Variants in AGAP5 observed in about 807,000 individuals in gnomAD.
The protein encoded by AGAP5 is ArfGAP with GTPase domain, ankyrin repeat and PH domain 5, also known as arf-GAP with GTPase, ANK repeat and PH domain-containing protein 5.
In AGAP5, 8 loss-of-function variants were observed where a neutral mutation model predicts 27.7. The observed-to-expected ratio is 0.29, with a 90% CI of 0.17 to 0.52. The LOEUF is 0.52. Ranked by LOEUF, AGAP5 falls within the 20% of genes least tolerant of loss-of-function variation. AGAP5 has a pLI of 0.97. For missense variants in AGAP5, 285 were observed against 880.8 expected (o/e 0.32, Z 8.56); for synonymous variants, 111 against 338.0 (o/e 0.33, Z 7.37).
chr10:73,694,390 G>A (rs1205557696), intron 3 of AGAP5, among the ~76,000 whole-genome samples: 3 of 152,010 alleles, frequency 2.0e-5, no homozygotes, highest in Admixed American at 2.0e-4. Context: ...TCTTTAAAGT[G>A]TACTTTTTGG....
chr10:73,689,507 G>A (rs369068001), intron 4 of AGAP5, among the ~76,000 whole-genome samples: 1 of 149,734 alleles, frequency 6.7e-6, no homozygotes, highest in African/African-American at 2.5e-5. Flanking sequence ...AGTGAGGAGC[G>A]TCTCTGCCCG....
intron 5 of AGAP5, chr10:73,681,185 C>T (rs1265246631): frequency 4.8e-6 from 1 of 209,992 alleles, no homozygotes; most frequent in African/African-American, 2.5e-5. Flanking sequence ...TGGCTTTGGG[C>T]ATCAAGGTTC....
At chr10:73,689,956 C>A (rs550933458) in intron 4 of AGAP5, among the ~76,000 whole-genome samples, 2 of 149,948 alleles carry the variant, frequency 1.3e-5, no homozygotes, top group African/African-American at 4.9e-5. Flanking sequence ...CCCCTCTGCC[C>A]GGCCAGCCGC....
chr10:73,694,922 A>G (rs1270723703), intron 2 of AGAP5, 118 bp from the exon 3 acceptor site: 1 of 1,564,008 alleles, frequency 6.4e-7, no homozygotes, highest in South Asian at 1.1e-5. Flanking sequence ...ATTCTTATAC[A>G]TTGAAATGAA....
intron 5 of AGAP5, among the ~76,000 whole-genome samples, chr10:73,680,582 T>TC (rs1186330822): frequency 2.5e-5 from 2 of 79,364 alleles, no homozygotes; most frequent in Non-Finnish European, 6.3e-5. Context: ...TATGCCCAGA[T>TC]AATTTTTTTT....
intron 5 of AGAP5, chr10:73,682,038 A>G (rs2082028514): frequency 1.0e-6 from 1 of 983,880 alleles, no homozygotes. Context: ...TAAGCTAGTT[A>G]TGTTTACAGA....
chr10:73,697,232 A>G, intron 1 of AGAP5, 69 bp from the exon 2 acceptor site: 1 of 1,584,154 alleles, frequency 6.3e-7, no homozygotes, highest in Non-Finnish European at 8.5e-7. Flanking sequence ...TCATTTATTC[A>G]ACTGCTGCTT....
chr10:73,696,163 C>G (rs1259533719), intron 2 of AGAP5, among the ~76,000 whole-genome samples: 1 of 152,152 alleles, frequency 6.6e-6, no homozygotes, highest in Non-Finnish European at 1.5e-5. Context: ...CAGTCATGCG[C>G]CACTACACCC....
chr10:73,693,216 G>A (rs1028026914), intron 3 of AGAP5, among the ~76,000 whole-genome samples: 2 of 152,128 alleles, frequency 1.3e-5, no homozygotes, highest in African/African-American at 4.8e-5. Context: ...GCTCCGGAAG[G>A]AACTGGGAAA....
At chr10:73,691,744 G>A (rs960826600) in intron 4 of AGAP5, among the ~76,000 whole-genome samples, 2 of 152,038 alleles carry the variant, frequency 1.3e-5, no homozygotes, top group East Asian at 1.9e-4. Context: ...AGCCTGCCTC[G>A]GCCTCCTAAA....
chr10:73,697,955 A>G lies in AGAP5; in HGVS notation c.-200T>C, dbSNP rs1051994526. The G allele has an allele frequency of 9.3e-6, 14 of 1,507,950 alleles. No homozygotes were observed. The African/African-American group carries it at 1.8e-4, about 19-fold the overall frequency. The allele number at this position is 1,507,950 out of a possible 1,614,324, so 93.4% of individuals were successfully genotyped here. A position where few individuals can be genotyped will look rare whatever the true frequency, so the allele number is the denominator to read the frequency against. ...GCTAGGGCTGCGGGTCAAGGCCCACACCCTGCTGCCTCCCCTGAGTTGACT... is the reference window on the plus strand; with the variant it reads ...GCTAGGGCTGCGGGTCAAGGCCCACGCCCTGCTGCCTCCCCTGAGTTGACT... On this transcript the variant is annotated 5_prime_UTR_variant, in exon 1 of 8. Transcript: ENST00000374094.
Position 73,694,796 on chromosome 10 carries a change from A to G in AGAP5, c.301T>C (p.Phe101Leu), listed in dbSNP as rs1337891061. The G allele has an allele frequency of 1.3e-6, 2 of 1,598,230 alleles. No individual in the cohort carries two copies. Among genetic ancestry groups the G allele is most frequent in the South Asian group, 2.2e-5 (2 of 91,004 alleles). ...GCCTCTGGATTGGCAGAAGGGTTAA[A>G]CTCCAAAGCTATATGCATAGAGGAA... Reference protein sequence around the residue: ...QRNSQTDALEFNPSANPEAST... With the variant: ...QRNSQTDALELNPSANPEAST... The change falls in exon 3 of 8, where the codon TTT becomes CTT. Residue 101 changes from phenylalanine to leucine, a missense_variant. By Grantham distance (22) the Phe-to-Leu change is conservative (BLOSUM62 0). Transcript: ENST00000374094.
intron 2 of AGAP5, 147 bp downstream of exon 2, chr10:73,696,948 T>C (rs1261245826): frequency 1.6e-6 from 2 of 1,287,070 alleles, no homozygotes; most frequent in East Asian, 5.0e-5. Flanking sequence ...TTAGGTACCA[T>C]CTGGATAGGT....
chr10:73,689,790 G>C (rs1181846743), intron 4 of AGAP5, among the ~76,000 whole-genome samples: 1 of 150,650 alleles, frequency 6.6e-6, no homozygotes, highest in African/African-American at 2.4e-5. Context: ...CCCTCCGCCC[G>C]GCAGCCACCC....
intron 1 of AGAP5, 64 bp downstream of exon 1, chr10:73,697,469 G>A: frequency 6.2e-7 from 1 of 1,603,668 alleles, no homozygotes; most frequent in Non-Finnish European, 8.5e-7. Context: ...GCCGTAAAGG[G>A]AACCTTGGGG....
Position 73,697,790 on chromosome 10 carries a change from CT to C in AGAP5, c.-36del, listed in dbSNP as rs1429792458. 6.3e-7 allele frequency: 1 copy of C among 1,596,180 alleles called. No homozygotes were observed. Among genetic ancestry groups the C allele is most frequent in the Non-Finnish European group, 8.5e-7 (1 of 1,179,106 alleles). ...CTACTGTCTGCCACCACCTGTGCCT[CT>C]GCTCACAGCTTTGGCCACACACTCC... is the stretch of plus-strand genomic sequence containing the variant. On this transcript the variant is annotated 5_prime_UTR_variant, in exon 1 of 8. Coordinates refer to ENST00000374094, the MANE Select transcript of AGAP5 (RefSeq NM_001144000.4).
At position 73,697,682 on chromosome 10, in the gene AGAP5, C is replaced by T; in HGVS notation, c.74G>A (p.Cys25Tyr). The T allele has an allele frequency of 6.3e-7, 1 of 1,599,368 alleles. No individual in the cohort carries two copies. The highest frequency in any genetic ancestry group is 8.5e-7 in the Non-Finnish European group (1 of 1,179,822). Residue 25 changes from cysteine to tyrosine, a missense_variant, in exon 1 of 8, where the codon TGT becomes TAT. Coordinates refer to ENST00000374094, the MANE Select transcript of AGAP5 (RefSeq NM_001144000.4). ...CTCATAGATCTCAGATTCAGAGGGA[C>T]ACACCGACCCCTGTTGCTGGTCAAA... ...LEFDQQQGSV[C>Y]PSESEIYEAG...
rs760553674 is a variant in AGAP5 at position 73,675,286 on chromosome 10, C to T, written c.1374G>A (p.Leu458=). 4.3e-6 allele frequency: 7 copies of T among 1,611,968 alleles called. No homozygotes were observed. The highest frequency in any genetic ancestry group is 5.1e-6 in the Non-Finnish European group (6 of 1,179,706). Residue 458 remains leucine (L), a synonymous_variant, in exon 8 of 8, where the codon CTG becomes CTA. Transcript: ENST00000374094. The part of the protein sequence containing the change: ...SCESSKSKSQ[L]TSQSEAMALQ... ...GGGCCATGGCCTCGCTCTGGCTGGT[C>T]AGCTGGGACTTGCTTTTACTGCTCT...
chr10:73,693,066 C>T (rs1187036406), intron 3 of AGAP5, among the ~76,000 whole-genome samples: 1 of 152,092 alleles, frequency 6.6e-6, no homozygotes. Context: ...GGACTTGGGC[C>T]ATGCTTTGTT....
Sources: gnomAD v4.1 joint callset for allele counts (sites outside exome capture counted in the v4.1 genomes callset) on GRCh38, gnomAD v4.1.1 for gene constraint, MANE v1.5 for transcripts, NCBI Gene and HGNC (gene_info 2026-07-23, HGNC 2026-07-21) for gene names.